The following TENM1 variants were observed in gnomAD, a reference collection of about 807,000 sequenced individuals.
The protein encoded by TENM1 is teneurin-1.
TENM1 carries 35 observed loss-of-function variants against 174.8 expected under a neutral mutation model. The ratio of observed to expected loss-of-function variants is 0.20; its 90% CI spans 0.15 to 0.27. The LOEUF is 0.27. TENM1 is among the 10% of genes least tolerant of loss of function. The pLI, the probability that TENM1 is intolerant of heterozygous loss-of-function variation, is 1.00. For missense variants in TENM1, 1,633 were observed against 2,130.1 expected (o/e 0.77, Z 4.59); for synonymous variants, 781 against 798.7 (o/e 0.98, Z 0.37).
At chrX:124,715,637 T>G (rs966630540) in intron 4 of TENM1, among the ~76,000 whole-genome samples, 6 of 109,739 alleles carry the variant, frequency 5.5e-5, no homozygotes, top group African/African-American at 2.0e-4. Flanking sequence ...TTTCTTTTCC[T>G]TTTCTTTTCT....
chrX:124,566,887 C>T (rs896568665), intron 11 of TENM1, among the ~76,000 whole-genome samples: 1 of 111,914 alleles, frequency 8.9e-6, no homozygotes, highest in Non-Finnish European at 1.9e-5. Context: ...AGGCAACTTA[C>T]TAACATATTG....
At chrX:125,139,257 A>C in the TENM1 span, among the ~76,000 whole-genome samples, 6 of 110,972 alleles carry the variant, frequency 5.4e-5, no homozygotes, top group Admixed American at 3.8e-4. Context: ...ATGAAGTGAG[A>C]GAATGGGGGG....
chrX:124,996,176 C>A, the TENM1 span, among the ~76,000 whole-genome samples: 1 of 111,064 alleles, frequency 9.0e-6, no homozygotes, highest in Admixed American at 9.6e-5. Context: ...TCCTGAAGTA[C>A]TATAATCATC....
intron 1 of TENM1, among the ~76,000 whole-genome samples, chrX:124,909,593 T>C (rs766575354): frequency 5.4e-4 from 61 of 112,404 alleles, no homozygotes; most frequent in African/African-American, 2.0e-3. Flanking sequence ...TGAAGTATTA[T>C]TCCACTCTGT....
chrX:124,859,633 A>G (rs924398430), intron 3 of TENM1, among the ~76,000 whole-genome samples: 1 of 111,179 alleles, frequency 9.0e-6, no homozygotes, highest in Non-Finnish European at 1.9e-5. Flanking sequence ...ATATAATAAC[A>G]TTTTAGGTTT....
the TENM1 span, among the ~76,000 whole-genome samples, chrX:125,060,879 C>T: frequency 1.3e-4 from 14 of 110,994 alleles, no homozygotes; most frequent in African/African-American, 4.6e-4. Flanking sequence ...TCAATTTGCA[C>T]CTCAGAATTT....
chrX:125,199,908 C>T, the TENM1 span, among the ~76,000 whole-genome samples: 1 of 111,459 alleles, frequency 9.0e-6, no homozygotes, highest in African/African-American at 3.3e-5. Flanking sequence ...TTCATGGGTT[C>T]CAAATGTAAG....
the TENM1 span, among the ~76,000 whole-genome samples, chrX:125,117,535 A>G: frequency 9.1e-6 from 1 of 110,396 alleles, no homozygotes; most frequent in East Asian, 2.9e-4. Context: ...GGAAACTCAC[A>G]CACCAGGGCC....
the TENM1 span, among the ~76,000 whole-genome samples, chrX:125,063,706 TTGG>T: frequency 8.9e-6 from 1 of 111,742 alleles, no homozygotes; most frequent in African/African-American, 3.3e-5. Context: ...TTTTACACTG[TTGG>T]TGGGACTGTA....
At chrX:124,905,073 C>A (rs1028029427) in intron 1 of TENM1, among the ~76,000 whole-genome samples, 3 of 110,701 alleles carry the variant, frequency 2.7e-5, no homozygotes, top group Non-Finnish European at 5.7e-5. Context: ...GACTATAATC[C>A]CACCACTTTG....
At chrX:124,603,988 C>T (rs1277289679) in intron 11 of TENM1, among the ~76,000 whole-genome samples, 1 of 111,232 alleles carries the variant, frequency 9.0e-6, no homozygotes, top group African/African-American at 3.3e-5. Flanking sequence ...ATCATTACAC[C>T]TTATGTAGTA....
At chrX:124,600,696 A>C (rs1378373416) in intron 11 of TENM1, among the ~76,000 whole-genome samples, 1 of 111,749 alleles carries the variant, frequency 8.9e-6, no homozygotes, top group Non-Finnish European at 1.9e-5. Flanking sequence ...TCTAAGTATG[A>C]GGAAACATCA....
the TENM1 span, among the ~76,000 whole-genome samples, chrX:125,011,169 T>C: frequency 1.8e-5 from 2 of 111,633 alleles, no homozygotes; most frequent in Non-Finnish European, 3.8e-5. Context: ...TTACCCCTTA[T>C]ACAAAGATTA....
intron 4 of TENM1, among the ~76,000 whole-genome samples, chrX:124,723,397 A>G (rs2053363076): frequency 9.0e-6 from 1 of 111,227 alleles, no homozygotes; most frequent in Non-Finnish European, 1.9e-5. Context: ...ATTACTTTTC[A>G]GTCACCTACG....
chrX:124,495,433 G>A (rs1418093049), intron 20 of TENM1, among the ~76,000 whole-genome samples: 1 of 108,040 alleles, frequency 9.3e-6, no homozygotes, highest in Non-Finnish European at 1.9e-5. Context: ...AGATGAGTAG[G>A]TTGCGAAAAT....
intron 22 of TENM1, among the ~76,000 whole-genome samples, chrX:124,459,905 A>G (rs771717243): frequency 8.9e-6 from 1 of 112,274 alleles, no homozygotes; most frequent in South Asian, 3.7e-4. Context: ...AACCCCATTA[A>G]TAAGTGGGCA....
intron 3 of TENM1, among the ~76,000 whole-genome samples, chrX:124,738,749 T>C (rs779697456): frequency 2.0e-4 from 22 of 111,982 alleles, no homozygotes; most frequent in Non-Finnish European, 3.9e-4. Context: ...TAACCGTAAC[T>C]AGAAGTGTGC....
At chrX:124,728,043 T>C (rs2053482088) in intron 4 of TENM1, among the ~76,000 whole-genome samples, 1 of 110,840 alleles carries the variant, frequency 9.0e-6, no homozygotes, top group South Asian at 3.9e-4. Context: ...TAACCAGTCT[T>C]ACAGAATTTT....
At chrX:125,122,914 GTAAAT>G in the TENM1 span, among the ~76,000 whole-genome samples, 6 of 111,484 alleles carry the variant, frequency 5.4e-5, no homozygotes, top group Non-Finnish European at 3.8e-5. Context: ...TGGGTTGAAA[GTAAAT>G]AAAATAAAAA....
Sources: allele counts gnomAD v4.1 joint callset (sites outside exome capture counted in the v4.1 genomes callset), GRCh38; gene constraint gnomAD v4.1.1; transcripts MANE v1.5; gene names NCBI Gene and HGNC (gene_info 2026-07-23, HGNC 2026-07-21).